IFT81: variants seen among roughly 807,000 people sequenced by gnomAD.
IFT81 encodes the protein intraflagellar transport protein 81 homolog.
IFT81 carries 72 observed loss-of-function variants against 102.6 expected under a neutral mutation model. The observed-to-expected ratio is 0.70, with a 90% CI of 0.58 to 0.85. The LOEUF (loss-of-function observed/expected upper bound fraction) is 0.85, where lower values mean the gene tolerates loss of function less well. Ranked by LOEUF, IFT81 falls within the 40% of genes least tolerant of loss-of-function variation. The pLI is 0.00. For synonymous variants in IFT81, 237 were observed against 242.7 expected (o/e 0.98, Z 0.22); for missense variants, 723 against 787.3 (o/e 0.92, Z 0.98).
chr12:110,125,232 T>A (rs149134768), intron 1 of IFT81, among the ~76,000 whole-genome samples: 130 of 151,798 alleles, frequency 8.6e-4, no homozygotes, highest in East Asian at 2.1e-3. Context: ...ATATGGATTT[T>A]AAAAAAAAAC....
chr12:110,200,345 T>G (rs1176357399), intron 14 of IFT81, among the ~76,000 whole-genome samples: 1 of 152,242 alleles, frequency 6.6e-6, no homozygotes, highest in African/African-American at 2.4e-5. Context: ...CATGTGACTA[T>G]ACTGAATACT....
chr12:110,182,785 CAACCAGAGTATCT>C (rs1396382977), intron 12 of IFT81, among the ~76,000 whole-genome samples: 1 of 152,162 alleles, frequency 6.6e-6, no homozygotes, highest in Non-Finnish European at 1.5e-5. Flanking sequence ...ATATCTCTGG[CAACCAGAGTATCT>C]ATACCCACAG....
In IFT81 at chr12:110,127,379, T is replaced by TA; in HGVS notation, c.-2_-1insA. ...CTTTAGTTAAAATTATAAGACCTAA[T>TA]TATGAGTGATCAAATTAAATTCATT... On this transcript the variant is annotated 5_prime_UTR_variant, in exon 2 of 19. Transcript: ENST00000242591. 1 of 1,568,572 alleles carries TA rather than the reference T, an allele frequency of 6.4e-7. No homozygotes were observed. Among genetic ancestry groups the TA allele is most frequent in the Non-Finnish European group, 8.6e-7 (1 of 1,161,766 alleles).
At chr12:110,178,171 TG>T (rs1292776364) in intron 11 of IFT81, among the ~76,000 whole-genome samples, 1 of 151,490 alleles carries the variant, frequency 6.6e-6, no homozygotes, top group Non-Finnish European at 1.5e-5. Flanking sequence ...CCCAGCACTT[TG>T]GGAGGCCAAG....
At chr12:110,158,684 G>T (rs1416393796) in intron 10 of IFT81, among the ~76,000 whole-genome samples, 1 of 152,024 alleles carries the variant, frequency 6.6e-6, no homozygotes, top group Non-Finnish European at 1.5e-5. Context: ...CCCCCTCCCA[G>T]GTTCACGCCA....
chr12:110,169,436 G>A (rs1453432495), intron 11 of IFT81, among the ~76,000 whole-genome samples: 1 of 152,070 alleles, frequency 6.6e-6, no homozygotes. Flanking sequence ...ATGGTCTTGG[G>A]GACCCCTGAC....
intron 8 of IFT81, among the ~76,000 whole-genome samples, chr12:110,141,252 G>T (rs990007954): frequency 6.6e-6 from 1 of 151,902 alleles, no homozygotes; most frequent in African/African-American, 2.4e-5. Context: ...TGGTCAGGCT[G>T]GTCTCAAACT....
chr12:110,162,393 G>A, intron 10 of IFT81: 1 of 142,528 alleles, frequency 7.0e-6, no homozygotes, highest in Non-Finnish European at 1.5e-5. Flanking sequence ...CTGGAGCGCA[G>A]TGGCGTGATC....
intron 14 of IFT81, among the ~76,000 whole-genome samples, chr12:110,194,459 G>A (rs1897921673): frequency 6.6e-6 from 1 of 151,070 alleles, no homozygotes; most frequent in Non-Finnish European, 1.5e-5. Flanking sequence ...ATTTTTTTAA[G>A]TAGAGATGGG....
chr12:110,198,749 A>G (rs1898128045), intron 14 of IFT81, among the ~76,000 whole-genome samples: 1 of 150,052 alleles, frequency 6.7e-6, no homozygotes, highest in Non-Finnish European at 1.5e-5. Context: ...CATCCACTTA[A>G]TTTTTAATTT....
At position 110,158,991 on chromosome 12, in the gene IFT81, G is replaced by C. The variant is rs1380817498; in HGVS notation, c.1042-3928G>C. The stretch of plus-strand genomic sequence containing the variant: ...CCCGCCTCAGCCTCCCAAAGTGCTG[G>C]GATTACAAGTGTGAGCCACTGCGCC... On this transcript the variant is annotated intron_variant, in intron 10 of 18. Transcript: ENST00000242591. Among the ~76,000 whole-genome samples, 4 of 152,306 alleles carry C rather than the reference G, an allele frequency of 2.6e-5. No individual in the cohort carries two copies. In the South Asian group the frequency reaches 8.3e-4, roughly 32 times the overall value.
rs539193594 is a variant in IFT81 at position 110,145,987 on chromosome 12, T to C, written c.946-966T>C. 3.3e-5 allele frequency among the ~76,000 whole-genome samples: 5 copies of C among 151,856 alleles called. No homozygotes were observed. In the South Asian group the frequency reaches 1.0e-3, roughly 32 times the overall value. ...CACCAAGCCCAGCTAATTTTTTGTA[T>C]TTTTAGTAGAGACGGGGTTTCACCA... On this transcript the variant is annotated intron_variant, in intron 9 of 18. Transcript: ENST00000242591.
intron 5 of IFT81, among the ~76,000 whole-genome samples, chr12:110,134,353 T>G (rs988624874): frequency 6.6e-6 from 1 of 152,198 alleles, no homozygotes; most frequent in Non-Finnish European, 1.5e-5. Flanking sequence ...AAGCTATTAG[T>G]TTTTTAGATT....
At chr12:110,156,386 G>A (rs1298810830) in intron 10 of IFT81, among the ~76,000 whole-genome samples, 1 of 150,072 alleles carries the variant, frequency 6.7e-6, no homozygotes, top group African/African-American at 2.4e-5. Flanking sequence ...CACCTTTCAG[G>A]ACTTATTTGA....
At chr12:110,212,019 A>C (rs1192581046) in intron 18 of IFT81, among the ~76,000 whole-genome samples, 1 of 152,178 alleles carries the variant, frequency 6.6e-6, no homozygotes, top group Non-Finnish European at 1.5e-5. Flanking sequence ...GTATTTGTAC[A>C]GTTTAGCTAC....
At chr12:110,139,608 T>A (rs930340768) in intron 8 of IFT81, among the ~76,000 whole-genome samples, 7 of 150,734 alleles carry the variant, frequency 4.6e-5, no homozygotes, top group Non-Finnish European at 8.9e-5. Context: ...CTGTCTCTAC[T>A]AAAAAAATAT....
chr12:110,196,961 G>A (rs1898027742), intron 14 of IFT81, among the ~76,000 whole-genome samples: 1 of 152,132 alleles, frequency 6.6e-6, no homozygotes, highest in South Asian at 2.1e-4. Flanking sequence ...AGCACTTTGG[G>A]AGGCTGAGTT....
At chr12:110,176,982 T>G (rs1897061712) in intron 11 of IFT81, among the ~76,000 whole-genome samples, 1 of 152,232 alleles carries the variant, frequency 6.6e-6, no homozygotes, top group Non-Finnish European at 1.5e-5. Flanking sequence ...CCAGGACACT[T>G]TTAATAGCAT....
chr12:110,200,992 AT>A (rs1209291900), intron 14 of IFT81, among the ~76,000 whole-genome samples: 4 of 152,096 alleles, frequency 2.6e-5, no homozygotes, highest in African/African-American at 9.7e-5. Flanking sequence ...TAAACTTCTA[AT>A]TAAAAAAAAA....
Sources: allele counts gnomAD v4.1 joint callset (sites outside exome capture counted in the v4.1 genomes callset), GRCh38; gene constraint gnomAD v4.1.1; transcripts MANE v1.5; gene names NCBI Gene and HGNC (gene_info 2026-07-23, HGNC 2026-07-21).